PRICKLE1: variants seen among roughly 807,000 people sequenced by gnomAD.
The protein encoded by PRICKLE1 is prickle planar cell polarity protein 1.
In PRICKLE1, 14 loss-of-function variants were observed where a neutral mutation model predicts 70.2. The observed-to-expected ratio is 0.20, with a 90% CI of 0.13 to 0.31. The LOEUF (loss-of-function observed/expected upper bound fraction) is 0.31. PRICKLE1 is among the 10% of genes least tolerant of loss of function. PRICKLE1 has a pLI of 1.00. For missense variants in PRICKLE1, 821 were observed against 1,026.2 expected (o/e 0.80, Z 2.73); for synonymous variants, 357 against 379.9 (o/e 0.94, Z 0.70).
intron 1 of PRICKLE1, among the ~76,000 whole-genome samples, chr12:42,559,636 TGGGGG>T (rs149270923): frequency 2.3e-5 from 2 of 88,142 alleles, no homozygotes; most frequent in African/African-American, 8.4e-5. Flanking sequence ...TTTTTTTTTT[TGGGGG>T]GGGTAGAGAT....
intron 1 of PRICKLE1, among the ~76,000 whole-genome samples, chr12:42,506,959 T>A (rs1341144292): frequency 6.6e-6 from 1 of 152,168 alleles, no homozygotes; most frequent in Admixed American, 6.5e-5. Flanking sequence ...TAGGAGGGGT[T>A]AGAAAAACAA....
Position 42,484,611 on chromosome 12 carries a change from C to A in PRICKLE1, c.-48-12047G>T, listed in dbSNP as rs1188871425. Among the ~76,000 whole-genome samples the A allele has an allele frequency of 7.2e-5, 11 of 152,274 alleles. No individual in the cohort carries two copies. The East Asian group carries it at 2.1e-3, about 29-fold the overall frequency. ...TAACAGCAAAGAAAAGGAGCCAGGTCACGCGATGTACTAACTCAAGTACAC... is the reference window on the plus strand; with the variant it reads ...TAACAGCAAAGAAAAGGAGCCAGGTAACGCGATGTACTAACTCAAGTACAC... On this transcript the variant is annotated intron_variant, in intron 1 of 7. Transcript: ENST00000345127.
intron 1 of PRICKLE1, among the ~76,000 whole-genome samples, chr12:42,498,562 TGTTTGAGCCCAG>T: frequency 1.3e-5 from 2 of 152,282 alleles, no homozygotes; most frequent in Middle Eastern, 6.8e-3. Flanking sequence ...GCAGGAGGAT[TGTTTGAGCCCAG>T]GAGATCGAGA....
At position 42,530,943 on chromosome 12, in the gene PRICKLE1, T is replaced by C. The variant is rs536342497; in HGVS notation, c.-48-58379A>G. The stretch of plus-strand genomic sequence containing the variant: ...GCTTCGGCCTCCCAAAATGCTGGGA[T>C]TACAGGCATAAGCCACCGTGCCCAG... On this transcript the variant is annotated intron_variant, in intron 1 of 7. Coordinates refer to ENST00000345127, the MANE Select transcript of PRICKLE1 (RefSeq NM_153026.3). 5.3e-5 allele frequency among the ~76,000 whole-genome samples: 8 copies of C among 151,662 alleles called. No individual in the cohort carries two copies. In the East Asian group the frequency reaches 1.4e-3, roughly 26 times the overall value.
intron 1 of PRICKLE1, among the ~76,000 whole-genome samples, chr12:42,582,028 G>A (rs1292567093): frequency 1.3e-5 from 2 of 152,142 alleles, no homozygotes; most frequent in Non-Finnish European, 2.9e-5. Context: ...AATTCAGAAG[G>A]TTAAAAAAAA....
chr12:42,587,446 C>T (rs965473528), intron 1 of PRICKLE1, among the ~76,000 whole-genome samples: 1 of 152,206 alleles, frequency 6.6e-6, no homozygotes, highest in Non-Finnish European at 1.5e-5. Context: ...AGTTCATCAG[C>T]AAGTGTGCAA....
In PRICKLE1 at chr12:42,563,523, C is replaced by A. The variant is rs555342343; in HGVS notation, c.-49+25942G>T. Among the ~76,000 whole-genome samples the A allele has an allele frequency of 2.3e-3, 353 of 150,908 alleles. 1 individual carries two copies. The highest frequency in any genetic ancestry group is 0.012 in the East Asian group (62 of 5,078). ...GACCATCCTGGCTAACACAGTGAAA[C>A]CCCGTCTCTACTAAAAAAAAATACA... On this transcript the variant is annotated intron_variant, in intron 1 of 7. Coordinates refer to ENST00000345127, the MANE Select transcript of PRICKLE1 (RefSeq NM_153026.3).
Position 42,475,767 on chromosome 12 carries a change from G to A in PRICKLE1, c.-48-3203C>T, listed in dbSNP as rs146630503. ...CTTAAAATGACAAAACCATTCACTC[G>A]CAAGTTCTCAGAGCTCATCAAAACA... On this transcript the variant is annotated intron_variant, in intron 1 of 7. Transcript: ENST00000345127. 4.0e-5 allele frequency among the ~76,000 whole-genome samples: 6 copies of A among 151,872 alleles called. No individual in the cohort carries two copies. The South Asian group carries it at 1.0e-3, about 26-fold the overall frequency.
intron 1 of PRICKLE1, among the ~76,000 whole-genome samples, chr12:42,519,583 G>A (rs9669495): frequency 0.49 from 74,670 of 152,054 alleles, 18,912 homozygotes; most frequent in East Asian, 0.72. Context: ...GATCAACTCC[G>A]ACCCCTTCTC....
At chr12:42,484,332 A>G (rs1938929971) in intron 1 of PRICKLE1, 1 of 151,950 alleles carries the variant, frequency 6.6e-6, no homozygotes, top group Non-Finnish European at 1.5e-5. Context: ...AGATGCAAAT[A>G]CCCTAGGACG....
chr12:42,511,837 T>C (rs1195533806), intron 1 of PRICKLE1, among the ~76,000 whole-genome samples: 2 of 152,360 alleles, frequency 1.3e-5, no homozygotes, highest in African/African-American at 4.8e-5. Context: ...AGCTAGATAT[T>C]GTGCTCTGTA....
chr12:42,488,198 C>A (rs1939023215), intron 1 of PRICKLE1, among the ~76,000 whole-genome samples: 1 of 152,222 alleles, frequency 6.6e-6, no homozygotes, highest in Non-Finnish European at 1.5e-5. Flanking sequence ...CCCTCTCTAA[C>A]TAGATGCTCC....
chr12:42,539,851 G>A (rs1940078707), intron 1 of PRICKLE1, among the ~76,000 whole-genome samples: 1 of 152,192 alleles, frequency 6.6e-6, no homozygotes. Flanking sequence ...TGTCAAGTAT[G>A]CTAGGGTTCT....
intron 1 of PRICKLE1, among the ~76,000 whole-genome samples, chr12:42,557,828 A>G (rs1007652422): frequency 6.6e-6 from 1 of 152,238 alleles, no homozygotes; most frequent in African/African-American, 2.4e-5. Context: ...TCAAACACAC[A>G]CTAAGCTACT....
At chr12:42,562,358 T>C (rs1184194372) in intron 1 of PRICKLE1, among the ~76,000 whole-genome samples, 1 of 152,124 alleles carries the variant, frequency 6.6e-6, no homozygotes, top group Non-Finnish European at 1.5e-5. Context: ...AAAAAGATAA[T>C]GAAACTCAAT....
chr12:42,502,052 C>A (rs1939319750), intron 1 of PRICKLE1, among the ~76,000 whole-genome samples: 1 of 151,860 alleles, frequency 6.6e-6, no homozygotes, highest in Admixed American at 6.6e-5. Context: ...TACAGAATGG[C>A]CTGGAATGAA....
At position 42,543,784 on chromosome 12, in the gene PRICKLE1, G is replaced by A. The variant is rs1405777588; in HGVS notation, c.-49+45681C>T. ...TATCTGCCTGCCTCAGCCTCCCAAA[G>A]TGCTGGGATTACAGGCGTGAGCCAC... On this transcript the variant is annotated intron_variant, in intron 1 of 7. Coordinates refer to ENST00000345127, the MANE Select transcript of PRICKLE1 (RefSeq NM_153026.3). Among the ~76,000 whole-genome samples the A allele has an allele frequency of 3.3e-5, 5 of 152,194 alleles. No homozygotes were observed. The East Asian group carries it at 5.8e-4, about 18-fold the overall frequency.
chr12:42,478,096 A>G (rs1371293051), intron 1 of PRICKLE1, among the ~76,000 whole-genome samples: 18 of 151,934 alleles, frequency 1.2e-4, no homozygotes, highest in Non-Finnish European at 1.5e-5. Flanking sequence ...CTTTTGCATC[A>G]TCATCCTCCC....
At chr12:42,513,578 AT>A (rs988519122) in intron 1 of PRICKLE1, among the ~76,000 whole-genome samples, 4 of 151,676 alleles carry the variant, frequency 2.6e-5, no homozygotes, top group Non-Finnish European at 4.4e-5. Flanking sequence ...AAAAAAAAAA[AT>A]GAATAAGAGC....
Sources: allele counts gnomAD v4.1 joint callset (sites outside exome capture counted in the v4.1 genomes callset), GRCh38; gene constraint gnomAD v4.1.1; transcripts MANE v1.5; gene names NCBI Gene and HGNC (gene_info 2026-07-23, HGNC 2026-07-21).